The following FBXL7 variants were observed in gnomAD, a reference collection of about 807,000 sequenced individuals.
The protein encoded by FBXL7 is F-box/LRR-repeat protein 7.
Under a neutral mutation model 38.3 loss-of-function variants are expected in FBXL7, and 12 were observed. The observed-to-expected ratio is 0.31, with a 90% CI of 0.20 to 0.51. The LOEUF is 0.51. FBXL7 is among the 20% of genes least tolerant of loss of function. FBXL7 has a pLI of 0.98. For synonymous variants in FBXL7, 297 were observed against 300.9 expected (o/e 0.99, Z 0.13); for missense variants, 567 against 676.4 (o/e 0.84, Z 1.79).
intron 2 of FBXL7, among the ~76,000 whole-genome samples, chr5:15,811,066 C>T (rs1737847354): frequency 6.6e-6 from 1 of 152,128 alleles, no homozygotes; most frequent in Non-Finnish European, 1.5e-5. Flanking sequence ...AAATTATGAG[C>T]TTTACAGTTA....
In FBXL7 at chr5:15,616,184, A is replaced by G. The variant is rs1740446796; in HGVS notation, c.127+112A>G. The G allele has an allele frequency of 4.8e-6, 3 of 618,748 alleles. No individual in the cohort carries two copies. In the South Asian group the frequency reaches 8.1e-5, roughly 17 times the overall value. 38.3% of individuals were successfully genotyped at this position (618,748 alleles called of 1,614,324 possible). ...CTATTCTCCTGAGTGGGAGCATATG[A>G]GATCTTAAAAATGAGGATGTTCAGG... On this transcript the variant is annotated intron_variant, in intron 2 of 3. Transcript: ENST00000504595.
chr5:15,546,862 T>C (rs1737911875), intron 1 of FBXL7, among the ~76,000 whole-genome samples: 1 of 152,050 alleles, frequency 6.6e-6, no homozygotes, highest in Non-Finnish European at 1.5e-5. Flanking sequence ...ATTAATTGGG[T>C]GGAGGGGCAC....
intron 1 of FBXL7, among the ~76,000 whole-genome samples, chr5:15,570,357 G>A (rs1738733760): frequency 6.6e-6 from 1 of 152,138 alleles, no homozygotes; most frequent in South Asian, 2.1e-4. Context: ...ATTTCTTCTA[G>A]ATTTTCTAGT....
chr5:15,633,906 G>A (rs978778298), intron 2 of FBXL7, among the ~76,000 whole-genome samples: 14 of 151,520 alleles, frequency 9.2e-5, no homozygotes, highest in Admixed American at 7.9e-4. Flanking sequence ...TCAGCCTCCC[G>A]AGTACCTGGG....
rs555351503 is a variant in FBXL7 at position 15,719,363 on chromosome 5, C to T, written c.127+103291C>T. Among the ~76,000 whole-genome samples the T allele has an allele frequency of 5.7e-5, 7 of 122,946 alleles. 2 individuals are homozygous for T. In the South Asian group the frequency reaches 2.0e-3, roughly 36 times the overall value. The allele number at this position is 122,946 out of a possible 152,430, so 80.7% of individuals were successfully genotyped here. Reference sequence around the variant, plus strand: ...GTAGTGAATATCATTTAATGAGCATCTCTGATGTTTCTGATATCATGCTAA... The same window carrying T: ...GTAGTGAATATCATTTAATGAGCATTTCTGATGTTTCTGATATCATGCTAA... On this transcript the variant is annotated intron_variant, in intron 2 of 3. Transcript: ENST00000504595.
chr5:15,598,834 G>T (rs1046190736), intron 1 of FBXL7, among the ~76,000 whole-genome samples: 3 of 152,122 alleles, frequency 2.0e-5, no homozygotes, highest in African/African-American at 7.2e-5. Flanking sequence ...GATGGGCTTA[G>T]GGTAAATAGA....
chr5:15,937,486 C>G lies in FBXL7; in HGVS notation c.*300C>G, dbSNP rs1010522706. 1.6e-5 allele frequency: 5 copies of G among 304,026 alleles called. No homozygotes were observed. The highest frequency in any genetic ancestry group is 7.1e-5 in the East Asian group (1 of 14,048). The allele number at this position is 304,026 out of a possible 1,614,324, so 18.8% of individuals were successfully genotyped here. A position where few individuals can be genotyped will look rare whatever the true frequency, so the allele number is the denominator to read the frequency against. ...CTTGAGCAAGGCGCTTACTCTCCTC[C>G]GCTCAGGCCCCCAAGGCCGCCCTTT... On this transcript the variant is annotated 3_prime_UTR_variant, in exon 4 of 4. Coordinates refer to ENST00000504595, the MANE Select transcript of FBXL7 (RefSeq NM_012304.5).
At chr5:15,558,153 A>G (rs1039568844) in intron 1 of FBXL7, among the ~76,000 whole-genome samples, 4 of 152,168 alleles carry the variant, frequency 2.6e-5, no homozygotes, top group African/African-American at 9.7e-5. Context: ...ATGTTTTGTT[A>G]TATATATTTT....
At chr5:15,612,088 G>A (rs556786465) in intron 1 of FBXL7, among the ~76,000 whole-genome samples, 1 of 152,198 alleles carries the variant, frequency 6.6e-6, no homozygotes, top group African/African-American at 2.4e-5. Context: ...GATTTTCAGT[G>A]GTGGTGATAT....
At chr5:15,704,255 G>T (rs1404795578) in intron 2 of FBXL7, among the ~76,000 whole-genome samples, 1 of 152,162 alleles carries the variant, frequency 6.6e-6, no homozygotes, top group Non-Finnish European at 1.5e-5. Flanking sequence ...ACTCTTTCAG[G>T]ATTCCAGCTC....
At chr5:15,785,581 C>G (rs1470152645) in intron 2 of FBXL7, among the ~76,000 whole-genome samples, 1 of 152,150 alleles carries the variant, frequency 6.6e-6, no homozygotes, top group African/African-American at 2.4e-5. Flanking sequence ...CTCCTCCATC[C>G]CCAATTAAAG....
chr5:15,643,936 A>G (rs1214387726), intron 2 of FBXL7, among the ~76,000 whole-genome samples: 1 of 152,150 alleles, frequency 6.6e-6, no homozygotes, highest in East Asian at 1.9e-4. Flanking sequence ...TTCCTCCTTT[A>G]TAAAGCCAAG....
At chr5:15,568,442 T>C (rs1738659355) in intron 1 of FBXL7, among the ~76,000 whole-genome samples, 1 of 152,320 alleles carries the variant, frequency 6.6e-6, no homozygotes, top group South Asian at 2.1e-4. Flanking sequence ...GATGGGGTTT[T>C]TTTTTCTTGT....
At chr5:15,830,606 C>A (rs558578467) in intron 2 of FBXL7, among the ~76,000 whole-genome samples, 5 of 152,100 alleles carry the variant, frequency 3.3e-5, no homozygotes, top group Non-Finnish European at 7.4e-5. Flanking sequence ...TTAGAGGAGA[C>A]CCTCAAGTTG....
intron 1 of FBXL7, among the ~76,000 whole-genome samples, chr5:15,594,513 C>G (rs1313600659): frequency 1.3e-5 from 2 of 152,140 alleles, no homozygotes; most frequent in Non-Finnish European, 2.9e-5. Flanking sequence ...GTGTGTCGCC[C>G]AGGGCTAGAA....
At chr5:15,760,957 C>G (rs1040685060) in intron 2 of FBXL7, among the ~76,000 whole-genome samples, 1 of 151,870 alleles carries the variant, frequency 6.6e-6, no homozygotes, top group African/African-American at 2.4e-5. Context: ...AAAAGCAGTC[C>G]CATATTTCAG....
intron 2 of FBXL7, among the ~76,000 whole-genome samples, chr5:15,859,524 C>T (rs1183923427): frequency 3.3e-5 from 5 of 152,162 alleles, no homozygotes; most frequent in Admixed American, 6.5e-5. Context: ...CACAGTTCCA[C>T]GTGGCTCGGG....
intron 1 of FBXL7, among the ~76,000 whole-genome samples, chr5:15,523,620 C>G (rs1382332927): frequency 6.6e-6 from 1 of 151,996 alleles, no homozygotes; most frequent in Non-Finnish European, 1.5e-5. Context: ...ACGTGGGGCT[C>G]CTCTTTGTAA....
At position 15,525,268 on chromosome 5, in the gene FBXL7, G is replaced by A. The variant is rs145892986; in HGVS notation, c.37+24555G>A. 1.4e-3 allele frequency among the ~76,000 whole-genome samples: 211 copies of A among 152,234 alleles called. 1 individual carries two copies. Among genetic ancestry groups the A allele is most frequent in the African/African-American group, 4.5e-3 (188 of 41,562 alleles). ...TTTTGGTACATCTTTATGTCAAAAA[G>A]TCATGGAACTATTTCTCTTGGACAA... On this transcript the variant is annotated intron_variant, in intron 1 of 3. Transcript: ENST00000504595.
Sources: gnomAD v4.1 joint callset for allele counts (sites outside exome capture counted in the v4.1 genomes callset) on GRCh38, gnomAD v4.1.1 for gene constraint, MANE v1.5 for transcripts, NCBI Gene and HGNC (gene_info 2026-07-23, HGNC 2026-07-21) for gene names.